The following GALNT13 variants were observed in gnomAD, a reference collection of about 807,000 sequenced individuals.
GALNT13 encodes the protein polypeptide N-acetylgalactosaminyltransferase 13, also known as UDP-GalNAc:polypeptide N-acetylgalactosaminyltransferase 13.
A neutral mutation model predicts 64.2 loss-of-function variants in GALNT13; 28 were observed. That is an observed-to-expected ratio of 0.44 (90% confidence interval 0.32 to 0.60). The LOEUF (loss-of-function observed/expected upper bound fraction) is 0.60. GALNT13 is among the 20% of genes least tolerant of loss of function. GALNT13 has a pLI of 0.05. For synonymous variants in GALNT13, 214 were observed against 224.6 expected (o/e 0.95, Z 0.42); for missense variants, 577 against 669.8 (o/e 0.86, Z 1.53).
chr2:154,377,152 A>G (rs1468923411), intron 9 of GALNT13, among the ~76,000 whole-genome samples: 2 of 152,192 alleles, frequency 1.3e-5, no homozygotes, highest in Admixed American at 1.3e-4. Context: ...GTTCATATTT[A>G]AATATATATT....
At chr2:154,119,476 T>G (rs1681806738) in intron 3 of GALNT13, among the ~76,000 whole-genome samples, 1 of 152,228 alleles carries the variant, frequency 6.6e-6, no homozygotes. Flanking sequence ...ATCCTTAGAT[T>G]AGGGAAGTCT....
chr2:154,324,958 C>G (rs1368574040), intron 9 of GALNT13, among the ~76,000 whole-genome samples: 1 of 152,058 alleles, frequency 6.6e-6, no homozygotes, highest in African/African-American at 2.4e-5. Flanking sequence ...ATGTCTCACC[C>G]TGTTAATAAG....
At chr2:154,317,440 C>T (rs1367866322) in intron 9 of GALNT13, among the ~76,000 whole-genome samples, 3 of 152,010 alleles carry the variant, frequency 2.0e-5, no homozygotes, top group South Asian at 2.1e-4. Context: ...AATCTTTTAG[C>T]GATGTTCTAG....
chr2:154,013,986 G>A (rs1696824040), intron 3 of GALNT13, among the ~76,000 whole-genome samples: 2 of 152,202 alleles, frequency 1.3e-5, no homozygotes, highest in Admixed American at 1.3e-4. Flanking sequence ...ACCCTGGTTA[G>A]GCATTTGATG....
intron 3 of GALNT13, among the ~76,000 whole-genome samples, chr2:153,948,038 A>G (rs1397729371): frequency 6.6e-6 from 1 of 152,006 alleles, no homozygotes; most frequent in African/African-American, 2.4e-5. Flanking sequence ...CCATTGGTCT[A>G]TATGTCTGTT....
chr2:153,728,517 C>A, the GALNT13 span, among the ~76,000 whole-genome samples: 3 of 152,224 alleles, frequency 2.0e-5, no homozygotes, highest in Non-Finnish European at 4.4e-5. Context: ...AAATTTGTAG[C>A]GCTAAATGCC....
intron 4 of GALNT13, among the ~76,000 whole-genome samples, chr2:154,146,204 G>A (rs1230941795): frequency 4.6e-5 from 7 of 151,324 alleles, no homozygotes; most frequent in Non-Finnish European, 8.9e-5. Flanking sequence ...ACACACTTGA[G>A]GAATGTGGAT....
intron 8 of GALNT13, among the ~76,000 whole-genome samples, chr2:154,279,059 A>G (rs1691815907): frequency 6.6e-6 from 1 of 152,210 alleles, no homozygotes; most frequent in African/African-American, 2.4e-5. Flanking sequence ...AAATACCTAC[A>G]GGTATTGGAC....
the GALNT13 span, among the ~76,000 whole-genome samples, chr2:153,504,072 T>A: frequency 2.0e-5 from 3 of 152,184 alleles, no homozygotes; most frequent in African/African-American, 4.8e-5. Context: ...TTCAGCAGTG[T>A]TTTGTAGTTT....
At chr2:153,887,221 A>G (rs930828994) in intron 1 of GALNT13, among the ~76,000 whole-genome samples, 11 of 151,624 alleles carry the variant, frequency 7.3e-5, no homozygotes, top group African/African-American at 2.7e-4. Flanking sequence ...TTGAGGTGAC[A>G]ATGCATGAAA....
the GALNT13 span, among the ~76,000 whole-genome samples, chr2:153,321,554 A>T: frequency 3.3e-5 from 5 of 152,230 alleles, no homozygotes; most frequent in Non-Finnish European, 5.9e-5. Flanking sequence ...ATCCCATTCC[A>T]TAAAAAGTTA....
At chr2:153,695,890 C>T in the GALNT13 span, among the ~76,000 whole-genome samples, 2 of 152,212 alleles carry the variant, frequency 1.3e-5, no homozygotes, top group Admixed American at 1.3e-4. Context: ...AGTATACCCT[C>T]CTATCCACAG....
chr2:153,748,276 C>T, the GALNT13 span, among the ~76,000 whole-genome samples: 3 of 151,964 alleles, frequency 2.0e-5, no homozygotes, highest in Non-Finnish European at 4.4e-5. Context: ...TAAATATATT[C>T]AAAAGTTGTT....
the GALNT13 span, among the ~76,000 whole-genome samples, chr2:153,837,527 T>C: frequency 6.6e-6 from 1 of 152,116 alleles, no homozygotes; most frequent in Non-Finnish European, 1.5e-5. Context: ...GTTTCTGGCT[T>C]ATTCCACTTA....
chr2:153,199,520 ATGT>A, the GALNT13 span, among the ~76,000 whole-genome samples: 1 of 152,160 alleles, frequency 6.6e-6, no homozygotes, highest in Non-Finnish European at 1.5e-5. Flanking sequence ...CAAAGGACAG[ATGT>A]TGTTTTGAGC....
the GALNT13 span, among the ~76,000 whole-genome samples, chr2:153,502,548 T>C: frequency 6.6e-6 from 1 of 152,246 alleles, no homozygotes; most frequent in Non-Finnish European, 1.5e-5. Flanking sequence ...TGCTATAAAC[T>C]TGCGTGTGCA....
At chr2:154,012,915 G>C (rs757505202) in intron 3 of GALNT13, among the ~76,000 whole-genome samples, 39 of 151,794 alleles carry the variant, frequency 2.6e-4, no homozygotes, top group Non-Finnish European at 5.6e-4. Flanking sequence ...AGATTCGTTT[G>C]TATCTATCTT....
the GALNT13 span, among the ~76,000 whole-genome samples, chr2:153,096,216 G>T: frequency 6.6e-6 from 1 of 151,956 alleles, no homozygotes; most frequent in East Asian, 1.9e-4. Flanking sequence ...ACTGTGGTCA[G>T]AGAAGATACT....
intron 4 of GALNT13, among the ~76,000 whole-genome samples, chr2:154,162,044 G>T (rs10460402): frequency 6.6e-6 from 1 of 152,122 alleles, no homozygotes; most frequent in African/African-American, 2.4e-5. Flanking sequence ...GCCTCCCAAA[G>T]TGGTGGGATT....
Sources: gnomAD v4.1 joint callset for allele counts (sites outside exome capture counted in the v4.1 genomes callset) on GRCh38, gnomAD v4.1.1 for gene constraint, MANE v1.5 for transcripts, NCBI Gene and HGNC (gene_info 2026-07-23, HGNC 2026-07-21) for gene names.